Variants in ALG12 observed in about 807,000 individuals in gnomAD.
ALG12 encodes the protein dol-P-Man:Man(7)GlcNAc(2)-PP-Dol alpha-1,6-mannosyltransferase.
A neutral mutation model predicts 46.0 loss-of-function variants in ALG12; 36 were observed. That is an observed-to-expected ratio of 0.78 (90% confidence interval 0.60 to 1.03). ALG12 has a LOEUF of 1.03. ALG12 is among the 50% of genes least tolerant of loss of function. The probability of loss-of-function intolerance (pLI) is 0.00; values close to 1 mark genes in which losing one functional copy is unlikely to be tolerated. For synonymous variants in ALG12, 326 were observed against 291.6 expected (o/e 1.12, Z -1.20); for missense variants, 599 against 633.5 (o/e 0.95, Z 0.58).
chr22:49,913,535 G>A lies in ALG12; in HGVS notation c.163-18C>T. On this transcript the variant is annotated intron_variant, in intron 2 of 9. Transcript: ENST00000330817. Reference sequence around the variant, plus strand: ...TGGTCGTACTGCGAGGAGAAGGGCAGGTCAGTGCACCGGGGCCCTGCCAGC... The same window carrying A: ...TGGTCGTACTGCGAGGAGAAGGGCAAGTCAGTGCACCGGGGCCCTGCCAGC... 2 of 1,613,988 alleles carry A rather than the reference G, an allele frequency of 1.2e-6. No homozygotes were observed. The highest frequency in any genetic ancestry group is 4.5e-5 in the East Asian group (2 of 44,890).
chr22:49,904,104 C>A (rs778324736), intron 9 of ALG12, 38 bp from the exon 10 acceptor site: 14 of 1,613,834 alleles, frequency 8.7e-6, no homozygotes, highest in Non-Finnish European at 1.0e-5. Context: ...CCAGGGCCCC[C>A]ACATCGCCCT....
chr22:49,898,231 C>A (rs2060491411), downstream of ALG12, among the ~76,000 whole-genome samples: 1 of 151,494 alleles, frequency 6.6e-6, no homozygotes, highest in Non-Finnish European at 1.5e-5. Context: ...AATTTTAGAA[C>A]TCCTAGGCTT....
At chr22:49,885,190 G>C in the ALG12 span, 2 of 1,613,834 alleles carry the variant, frequency 1.2e-6, no homozygotes, top group Non-Finnish European at 1.7e-6. Flanking sequence ...AGAAGTTGTC[G>C]GGAGCCAGAA....
chr22:49,871,758 T>A, the ALG12 span, among the ~76,000 whole-genome samples: 4 of 119,772 alleles, frequency 3.3e-5, no homozygotes, highest in Non-Finnish European at 4.9e-5. Context: ...TATTTATTTA[T>A]TTTTTTTTTT....
intron 1 of ALG12, among the ~76,000 whole-genome samples, chr22:49,917,718 T>A (rs891792565): frequency 2.0e-5 from 3 of 151,698 alleles, no homozygotes; most frequent in Non-Finnish European, 1.5e-5. Context: ...TTTTTTTTTT[T>A]AAATGTGCAG....
Position 49,910,122 on chromosome 22 carries a change from C to T in ALG12, c.470-34G>A, listed in dbSNP as rs1296010671. On this transcript the variant is annotated intron_variant, in intron 4 of 9. Transcript: ENST00000330817. ...CAGTGCGGGAGGGTGCTCGTCAAGACACAGGGCCCACCCGGCCCAGAAAAC... is the reference window on the plus strand; with the variant it reads ...CAGTGCGGGAGGGTGCTCGTCAAGATACAGGGCCCACCCGGCCCAGAAAAC... 1.9e-6 allele frequency: 3 copies of T among 1,568,166 alleles called. No homozygotes were observed. The Admixed American group carries it at 5.6e-5, about 29-fold the overall frequency.
rs1332504355 is a variant in ALG12 at position 49,905,057 on chromosome 22, A to G, written c.993-551T>C. On this transcript the variant is annotated intron_variant, in intron 7 of 9. Transcript: ENST00000330817. The surrounding 1 kb of genome is among the most constrained non-coding windows in gnomAD (Gnocchi z 4.9). ...CCAGCCTAAAAATATATTTTCAAACAATCCCAAGTGACTGTGTAGGTCAGA... is the reference window on the plus strand; with the variant it reads ...CCAGCCTAAAAATATATTTTCAAACGATCCCAAGTGACTGTGTAGGTCAGA... Among the ~76,000 whole-genome samples, 2 of 152,114 alleles carry G rather than the reference A, an allele frequency of 1.3e-5. No homozygotes were observed. The highest frequency in any genetic ancestry group is 3.9e-4 in the East Asian group (2 of 5,186).
At chr22:49,885,709 A>G in the ALG12 span, 1 of 1,608,448 alleles carries the variant, frequency 6.2e-7, no homozygotes, top group Non-Finnish European at 8.5e-7. Context: ...TGGCTTTAAC[A>G]GGCTGCTTGA....
At chr22:49,886,042 G>A in the ALG12 span, 2 of 683,130 alleles carry the variant, frequency 2.9e-6, no homozygotes, top group African/African-American at 3.6e-5. The surrounding 1 kb of genome is among the most constrained non-coding windows in gnomAD (Gnocchi z 7.7). Flanking sequence ...CTGGTGGGAA[G>A]CGTGGGTGAC....
chr22:49,874,672 CTTTTT>C, the ALG12 span, among the ~76,000 whole-genome samples: 9 of 37,316 alleles, frequency 2.4e-4, no homozygotes, highest in East Asian at 1.0e-3. Flanking sequence ...CATGCCCAGC[CTTTTT>C]TTTTTTTTTT....
the ALG12 span, among the ~76,000 whole-genome samples, chr22:49,877,052 G>C: frequency 1.3e-5 from 2 of 151,902 alleles, no homozygotes; most frequent in Non-Finnish European, 2.9e-5. Flanking sequence ...TTGAAAATCA[G>C]TCAGATTTAC....
chr22:49,906,762 C>T lies in ALG12; in HGVS notation c.992+959G>A, dbSNP rs1198702300. On this transcript the variant is annotated intron_variant, in intron 7 of 9. Transcript: ENST00000330817. The surrounding 1 kb of genome is among the most constrained non-coding windows in gnomAD (Gnocchi z 4.4). Reference sequence around the variant, plus strand: ...TCCCATCAAGGCAGCAAACTCTGAACGGGCACAGAGCTGGCCAGCCTCAGC... The same window carrying T: ...TCCCATCAAGGCAGCAAACTCTGAATGGGCACAGAGCTGGCCAGCCTCAGC... Among the ~76,000 whole-genome samples the T allele has an allele frequency of 2.0e-5, 3 of 152,178 alleles. No individual in the cohort carries two copies. The highest frequency in any genetic ancestry group is 2.9e-5 in the Non-Finnish European group (2 of 68,012).
In ALG12 at chr22:49,903,960, G is replaced by A. The variant is rs141814567; in HGVS notation, c.1345C>T (p.Arg449Trp). 7.4e-5 allele frequency: 119 copies of A among 1,614,206 alleles called. No homozygotes were observed. In the African/African-American group the frequency reaches 1.0e-3, roughly 14 times the overall value. ...GLLALYRDTH[R>W]VLASVVGTTG... ...GTCCCCACGACGCTGGCCAGGACCC[G>A]GTGTGTGTCCCTGTAGAGGGCCAGG... The change falls in exon 10 of 10, where the codon CGG (arginine) becomes TGG (tryptophan). Residue 449 changes from arginine to tryptophan, a missense_variant. By Grantham distance (101) the Arg-to-Trp change is moderately radical. Transcript: ENST00000330817.
chr22:49,861,760 C>G, the ALG12 span, among the ~76,000 whole-genome samples: 3 of 152,312 alleles, frequency 2.0e-5, no homozygotes, highest in East Asian at 3.9e-4. Flanking sequence ...TTTTTCTGCT[C>G]AGCACATGTA....
chr22:49,891,321 C>T, the ALG12 span, among the ~76,000 whole-genome samples: 5 of 152,222 alleles, frequency 3.3e-5, no homozygotes, highest in Non-Finnish European at 7.3e-5. Flanking sequence ...CTGATCTGGG[C>T]ACAACGGTTT....
rs2060523340 is a variant in ALG12, at chr22:49,903,102, T to C, written c.*736A>G. ...TGGTGCTTTATAAATGCATGGTCAG[T>C]GAGGCTGACAGCACCAAGCTGTCCC... On this transcript the variant is annotated 3_prime_UTR_variant, in exon 10 of 10. Coordinates refer to ENST00000330817, the MANE Select transcript of ALG12 (RefSeq NM_024105.4). 1 of 352,258 alleles carries C rather than the reference T, an allele frequency of 2.8e-6. No individual in the cohort carries two copies. Among genetic ancestry groups the C allele is most frequent in the Non-Finnish European group, 5.5e-6 (1 of 180,218 alleles). 21.8% of individuals were successfully genotyped at this position (352,258 alleles called of 1,614,324 possible). A position where few individuals can be genotyped will look rare whatever the true frequency, so the allele number is the denominator to read the frequency against.
rs772858400 is a variant in ALG12 at position 49,910,582 on chromosome 22, C to T, written c.321G>A (p.Val107=). 1 of 1,614,182 alleles carries T rather than the reference C, an allele frequency of 6.2e-7. No individual in the cohort carries two copies. ...LIVRGVLGLG[V]IFGLWTLQKE... ...TTTGTAACGTCCAGAGTCCAAAAAT[C>T]ACGCCGAGTCCAAGCACTCCTCTAA... Residue 107 remains valine (V), a synonymous_variant, in exon 4 of 10, where the codon GTG becomes GTA. Coordinates refer to ENST00000330817, the MANE Select transcript of ALG12 (RefSeq NM_024105.4).
chr22:49,885,554 G>A, the ALG12 span: 41 of 1,604,694 alleles, frequency 2.6e-5, no homozygotes, highest in African/African-American at 6.7e-5. Flanking sequence ...CGGGTGCCGC[G>A]GGGCACAGAA....
At chr22:49,871,022 C>G in the ALG12 span, among the ~76,000 whole-genome samples, 8 of 150,942 alleles carry the variant, frequency 5.3e-5, no homozygotes, top group African/African-American at 2.0e-4. Flanking sequence ...CTAACTGCAA[C>G]CTCCATCTCC....
Sources: allele counts gnomAD v4.1 joint callset (sites outside exome capture counted in the v4.1 genomes callset), GRCh38; gene constraint gnomAD v4.1.1; non-coding constraint Gnocchi (gnomAD v3.1); transcripts MANE v1.5; gene names NCBI Gene and HGNC (gene_info 2026-07-23, HGNC 2026-07-21).